The following SQLE variants were observed in gnomAD, a reference collection of about 807,000 sequenced individuals.
SQLE encodes squalene monooxygenase.
Under a neutral mutation model 60.7 loss-of-function variants are expected in SQLE, and 29 were observed. The ratio of observed to expected loss-of-function variants is 0.48; its 90% confidence interval spans 0.36 to 0.65. SQLE has a LOEUF of 0.65. Among genes scored for constraint, SQLE ranks in the 30% least tolerant of loss-of-function variants. The probability of loss-of-function intolerance (pLI) is 0.00; values close to 1 mark genes in which losing one functional copy is unlikely to be tolerated. For synonymous variants in SQLE, 237 were observed against 246.8 expected, an observed-to-expected ratio of 0.96 and a Z score of 0.37; for missense variants, 605 against 684.1, an observed-to-expected ratio of 0.88 and a Z score of 1.29.
intron 6 of SQLE, 115 bp from the exon 7 acceptor site, chr8:125,011,422 A>T: frequency 1.4e-6 from 1 of 728,650 alleles, no homozygotes; most frequent in Non-Finnish European, 2.2e-6. Flanking sequence ...GGATATATGT[A>T]ACAACCATAA....
At chr8:125,012,564 T>C (rs915053846) in intron 7 of SQLE, among the ~76,000 whole-genome samples, 1 of 152,234 alleles carries the variant, frequency 6.6e-6, no homozygotes. Context: ...TGAGGTTCAT[T>C]CATGTTGTAG....
chr8:125,003,136 CAAATTTGGAT>C, intron 1 of SQLE, 30 bp from the exon 2 acceptor site: 1 of 1,537,662 alleles, frequency 6.5e-7, no homozygotes, highest in Non-Finnish European at 8.7e-7. Context: ...TTGAATCTAA[CAAATTTGGAT>C]ACCTAGTTTA....
At position 125,005,856 on chromosome 8, in the gene SQLE, G is replaced by A. The variant is rs139068639; in HGVS notation, c.725+151G>A. Reference sequence around the variant, plus strand: ...AAAATAAACTGTCAGTCAAAAGAGTGTTAGATATTCAGTGCTTTTGTTAAG... The same window carrying A: ...AAAATAAACTGTCAGTCAAAAGAGTATTAGATATTCAGTGCTTTTGTTAAG... On this transcript the variant is annotated intron_variant, in intron 3 of 10. Coordinates refer to ENST00000265896, the MANE Select transcript of SQLE (RefSeq NM_003129.4). The A allele has an allele frequency of 2.2e-4, 122 of 566,252 alleles. No homozygotes were observed. In the African/African-American group the frequency reaches 2.3e-3, roughly 11 times the overall value. 35.1% of individuals were successfully genotyped at this position (566,252 alleles called of 1,614,324 possible).
At chr8:125,007,031 G>T (rs911356717) in intron 3 of SQLE, among the ~76,000 whole-genome samples, 1 of 152,094 alleles carries the variant, frequency 6.6e-6, no homozygotes, top group East Asian at 1.9e-4. Context: ...CAGTTTGCAG[G>T]ATGCATTCCA....
chr8:125,008,961 T>A lies in SQLE; in HGVS notation c.823-10T>A. 6.5e-7 allele frequency: 1 copy of A among 1,537,414 alleles called. No individual in the cohort carries two copies. The highest frequency in any genetic ancestry group is 8.7e-7 in the Non-Finnish European group (1 of 1,146,498). ...ACTACTAAACTGAGTAGTCTTCATT[T>A]CTGTTATAGGAACTCCATGCTCCAC... is the stretch of plus-strand genomic sequence containing the variant. On this transcript the variant is annotated splice_polypyrimidine_tract_variant and intron_variant, in intron 4 of 10. Transcript: ENST00000265896.
chr8:125,017,848 C>T, intron 7 of SQLE: 1 of 560,522 alleles, frequency 1.8e-6, no homozygotes, highest in Non-Finnish European at 3.1e-6. Context: ...TACCATATCC[C>T]CAGTGCCTGG....
intron 3 of SQLE, among the ~76,000 whole-genome samples, chr8:125,007,067 A>AATGT (rs1163021500): frequency 6.6e-6 from 1 of 152,168 alleles, no homozygotes; most frequent in Non-Finnish European, 1.5e-5. Context: ...TCTGTGTATG[A>AATGT]ATGTATGAGG....
At position 125,003,426 on chromosome 8, in the gene SQLE, G is replaced by A. The variant is rs973914159; in HGVS notation, c.542G>A (p.Gly181Glu). ...CATGTTCTCAAAGACCTTGGTCTTG[G>A]AGGTAGGTTCATATTGATTTTCAGG... is the stretch of plus-strand genomic sequence containing the variant. Reference protein sequence around the residue: ...GYHVLKDLGLGDTVEGLDAQV... With the variant: ...GYHVLKDLGLEDTVEGLDAQV... The change falls in exon 2 of 11, where the codon GGA (glycine) becomes GAA (glutamate). Residue 181 changes from glycine to glutamate, a missense_variant and splice_region_variant. Physicochemically the swap from Gly to Glu is moderately conservative, Grantham distance 98. Coordinates refer to ENST00000265896, the MANE Select transcript of SQLE (RefSeq NM_003129.4). The A allele has an allele frequency of 1.5e-5, 24 of 1,613,664 alleles. No individual in the cohort carries two copies. Among genetic ancestry groups the A allele is most frequent in the Non-Finnish European group, 1.8e-5 (21 of 1,179,776 alleles).
Position 125,007,491 on chromosome 8 carries a change from AG to A in SQLE, c.822+5del. On this transcript the variant is annotated splice_donor_5th_base_variant and intron_variant, in intron 4 of 10. Transcript: ENST00000265896. ...TAAAGAGACTGGAGATATCAAGGTG[AG>A]AAATACCAAATGTCACCTCTTCCTA... 1 of 1,526,800 alleles carries A rather than the reference AG, an allele frequency of 6.5e-7. No individual in the cohort carries two copies. The highest frequency in any genetic ancestry group is 1.2e-5 in the South Asian group (1 of 80,476). 94.6% of individuals were successfully genotyped at this position (1,526,800 alleles called of 1,614,324 possible).
intron 1 of SQLE, among the ~76,000 whole-genome samples, chr8:125,000,241 G>A (rs530887746): frequency 6.6e-5 from 10 of 152,286 alleles, no homozygotes; most frequent in African/African-American, 1.9e-4. Context: ...CTAACATAAA[G>A]GCCAGGTCTT....
intron 6 of SQLE, among the ~76,000 whole-genome samples, chr8:125,009,717 C>T (rs1173923182): frequency 5.3e-5 from 8 of 151,440 alleles, no homozygotes; most frequent in Admixed American, 3.3e-4. Flanking sequence ...ATCGCTTGAA[C>T]GGGAGGCAGA....
At chr8:125,019,633 C>A (rs1326204445) in intron 9 of SQLE, among the ~76,000 whole-genome samples, 1 of 152,166 alleles carries the variant, frequency 6.6e-6, no homozygotes, top group Non-Finnish European at 1.5e-5. Context: ...GCCACCTCCT[C>A]ACCACAGCAG....
At chr8:125,009,794 A>C (rs75886834) in intron 6 of SQLE, among the ~76,000 whole-genome samples, 1 of 144,394 alleles carries the variant, frequency 6.9e-6, no homozygotes, top group Non-Finnish European at 1.5e-5. Context: ...ACTCCGTCTC[A>C]AAAAAAAAAA....
In SQLE at chr8:125,011,605, C is replaced by T. The variant is rs868207338; in HGVS notation, c.1177C>T (p.Leu393Phe). The change falls in exon 7 of 11, where the codon CTT becomes TTT. Residue 393 changes from leucine (L) to phenylalanine (F), a missense_variant. By Grantham distance (22) the Leu-to-Phe change is conservative. Transcript: ENST00000265896. ...SHLRSMPASF[L>F]PPSSVKKRGV... ...TCTGAGGTCCATGCCAGCAAGCTTC[C>T]TTCCTCCTTCATCAGTGAAGAAACG... 6.3e-7 allele frequency: 1 copy of T among 1,582,792 alleles called. No individual in the cohort carries two copies. The highest frequency in any genetic ancestry group is 1.8e-5 in the Admixed American group (1 of 55,512).
At chr8:125,007,584 T>C in intron 4 of SQLE, 97 bp downstream of exon 4, 1 of 694,628 alleles carries the variant, frequency 1.4e-6, no homozygotes, top group Non-Finnish European at 2.3e-6. Context: ...GTTTACATGT[T>C]GAGTATCTCT....
chr8:125,017,862 C>G, intron 7 of SQLE, 197 bp from the exon 8 acceptor site: 1 of 593,434 alleles, frequency 1.7e-6, no homozygotes, highest in Non-Finnish European at 2.9e-6. Flanking sequence ...TGCCTGGCCA[C>G]CTATTAGGTA....
At chr8:125,018,423 A>C (rs1187401662) in intron 8 of SQLE, among the ~76,000 whole-genome samples, 1 of 152,218 alleles carries the variant, frequency 6.6e-6, no homozygotes, top group African/African-American at 2.4e-5. Flanking sequence ...TGGGCCACTT[A>C]GCTCATAGTG....
chr8:125,003,567 G>T, intron 2 of SQLE, 139 bp downstream of exon 2: 7 of 1,041,402 alleles, frequency 6.7e-6, no homozygotes, highest in East Asian at 2.4e-5. Context: ...CAACAAATTT[G>T]CATGAAAGTG....
intron 3 of SQLE, among the ~76,000 whole-genome samples, chr8:125,006,432 A>C (rs1362115417): frequency 1.3e-5 from 2 of 152,020 alleles, no homozygotes; most frequent in Non-Finnish European, 2.9e-5. Flanking sequence ...CAGCCTGGCC[A>C]ATATGGTGAA....
Sources: allele counts gnomAD v4.1 joint callset (sites outside exome capture counted in the v4.1 genomes callset), GRCh38; gene constraint gnomAD v4.1.1; transcripts MANE v1.5; gene names NCBI Gene and HGNC (gene_info 2026-07-23, HGNC 2026-07-21).